The following PSD3 variants were observed in gnomAD, a reference collection of about 807,000 sequenced individuals.
PSD3 encodes PH and SEC7 domain-containing protein 3.
A neutral mutation model predicts 105.5 loss-of-function variants in PSD3; 49 were observed. The ratio of observed to expected loss-of-function variants is 0.46; its 90% CI spans 0.37 to 0.59. The LOEUF (loss-of-function observed/expected upper bound fraction) is 0.59. PSD3 is among the 20% of genes least tolerant of loss of function. The probability of loss-of-function intolerance (pLI) is 0.00; values close to 1 mark genes in which losing one functional copy is unlikely to be tolerated. For missense variants in PSD3, 1,561 were observed against 1,263.8 expected, an observed-to-expected ratio of 1.24 and a Z score of -3.57; for synonymous variants, 557 against 457.8, an observed-to-expected ratio of 1.22 and a Z score of -2.77.
At chr8:18,574,877 T>C (rs1400903709) in intron 13 of PSD3, among the ~76,000 whole-genome samples, 1 of 152,192 alleles carries the variant, frequency 6.6e-6, no homozygotes, top group Non-Finnish European at 1.5e-5. Context: ...ATGAGGATAC[T>C]GAATTCTAGA....
chr8:18,780,005 G>C (rs972140774), intron 8 of PSD3, among the ~76,000 whole-genome samples: 1 of 152,172 alleles, frequency 6.6e-6, no homozygotes, highest in Admixed American at 6.5e-5. Flanking sequence ...ATCAGTCCAA[G>C]GCTGAGAGTC....
At position 18,812,361 on chromosome 8, in the gene PSD3, G is replaced by A. The variant is rs971403560; in HGVS notation, c.1635-7463C>T. 2.0e-5 allele frequency among the ~76,000 whole-genome samples: 3 copies of A among 152,142 alleles called. No homozygotes were observed. The East Asian group carries it at 5.8e-4, about 29-fold the overall frequency. The stretch of plus-strand genomic sequence containing the variant: ...GGCCTTGGGGGCCACTATGGAGACT[G>A]GTTTTTACTCCTAGTGAAATGGTTA... On this transcript the variant is annotated intron_variant, in intron 4 of 15. Transcript: ENST00000327040.
intron 9 of PSD3, chr8:18,732,946 C>A (rs1261229927): frequency 6.6e-6 from 1 of 152,194 alleles, no homozygotes; most frequent in Non-Finnish European, 1.5e-5. Context: ...CACACGCCCC[C>A]TCCCTATCAC....
chr8:18,851,207 T>C (rs1428572357), intron 4 of PSD3, among the ~76,000 whole-genome samples: 4 of 152,074 alleles, frequency 2.6e-5, no homozygotes, highest in Non-Finnish European at 5.9e-5. Flanking sequence ...CTCACAATAG[T>C]CCCATCTTGC....
At position 18,792,285 on chromosome 8, in the gene PSD3, A is replaced by G. The variant is rs114398584; in HGVS notation, c.2082+7010T>C. Among the ~76,000 whole-genome samples the G allele has an allele frequency of 4.6e-3, 708 of 152,280 alleles. 7 individuals carry two copies. The highest frequency in any genetic ancestry group is 0.016 in the African/African-American group (663 of 41,548). On this transcript the variant is annotated intron_variant, in intron 8 of 15. Coordinates refer to ENST00000327040, the MANE Select transcript of PSD3 (RefSeq NM_015310.4). Reference sequence around the variant, plus strand: ...GCATGCATATGTTAATTGCAGCACTATTTACAGTAGGAAAGACATGGAATC... The same window carrying G: ...GCATGCATATGTTAATTGCAGCACTGTTTACAGTAGGAAAGACATGGAATC...
intron 9 of PSD3, among the ~76,000 whole-genome samples, chr8:18,752,459 T>C (rs113911214): frequency 1.1e-3 from 129 of 115,022 alleles, no homozygotes; most frequent in African/African-American, 4.2e-3. Flanking sequence ...TCAAAATCCC[T>C]AACTTTTCAA....
chr8:18,953,907 G>C (rs554431274), intron 1 of PSD3, among the ~76,000 whole-genome samples: 1 of 152,084 alleles, frequency 6.6e-6, no homozygotes, highest in African/African-American at 2.4e-5. Flanking sequence ...TGACACTTAA[G>C]ACACACATAT....
At chr8:18,815,229 A>G (rs927592396) in intron 4 of PSD3, among the ~76,000 whole-genome samples, 1 of 152,158 alleles carries the variant, frequency 6.6e-6, no homozygotes, top group Non-Finnish European at 1.5e-5. Context: ...GGCTGAACAA[A>G]TATTTTCTAT....
intron 9 of PSD3, among the ~76,000 whole-genome samples, chr8:18,667,022 C>T (rs941255087): frequency 2.6e-5 from 4 of 152,054 alleles, no homozygotes; most frequent in African/African-American, 9.7e-5. Flanking sequence ...TTTTTTCCTT[C>T]TTGTGGGTTC....
chr8:18,837,990 A>G (rs1253449909), intron 4 of PSD3, among the ~76,000 whole-genome samples: 2 of 152,170 alleles, frequency 1.3e-5, no homozygotes, highest in East Asian at 3.9e-4. Flanking sequence ...ATGATAGAGG[A>G]CTGTTGTAAA....
chr8:19,005,705 TCTCAAACTCCTGAG>T (rs746695407), intron 1 of PSD3, among the ~76,000 whole-genome samples: 4 of 151,856 alleles, frequency 2.6e-5, no homozygotes, highest in Non-Finnish European at 5.9e-5. Context: ...CCCAGACTGG[TCTCAAACTCCTGAG>T]CTCAAGAGAT....
At chr8:18,679,684 T>C (rs1039815606) in intron 9 of PSD3, among the ~76,000 whole-genome samples, 5 of 152,156 alleles carry the variant, frequency 3.3e-5, no homozygotes, top group Admixed American at 6.6e-5. Context: ...TAGGTGAACA[T>C]TGCTACTTAG....
At chr8:18,959,408 G>A (rs976686321) in intron 1 of PSD3, among the ~76,000 whole-genome samples, 2 of 151,998 alleles carry the variant, frequency 1.3e-5, no homozygotes, top group Non-Finnish European at 2.9e-5. Context: ...AAAATAACCC[G>A]CTGTACACTT....
chr8:18,675,263 T>C (rs111553635), intron 9 of PSD3, among the ~76,000 whole-genome samples: 4,062 of 152,214 alleles, frequency 0.027, 174 homozygotes, highest in East Asian at 0.15. Flanking sequence ...CTAGAGAAGG[T>C]CTTACTGCTT....
At chr8:18,845,461 G>T (rs1256323428) in intron 4 of PSD3, among the ~76,000 whole-genome samples, 1 of 152,174 alleles carries the variant, frequency 6.6e-6, no homozygotes, top group Non-Finnish European at 1.5e-5. Context: ...ACTTCCAGGT[G>T]CATAGCACGG....
intron 9 of PSD3, among the ~76,000 whole-genome samples, chr8:18,668,475 C>T (rs1799607257): frequency 6.6e-6 from 1 of 152,224 alleles, no homozygotes. Context: ...TTCACTTGAT[C>T]TCACTGAACT....
chr8:18,732,595 G>C (rs1054040858), intron 9 of PSD3, among the ~76,000 whole-genome samples: 6 of 152,186 alleles, frequency 3.9e-5, no homozygotes, highest in Non-Finnish European at 7.3e-5. Context: ...CCTACACATG[G>C]CTTCTCCCTC....
intron 12 of PSD3, among the ~76,000 whole-genome samples, chr8:18,583,490 G>A (rs1486388197): frequency 1.3e-5 from 2 of 152,110 alleles, no homozygotes; most frequent in African/African-American, 2.4e-5. Context: ...AGCTCCAACT[G>A]CTCTAAGATA....
intron 12 of PSD3, among the ~76,000 whole-genome samples, chr8:18,593,494 G>A (rs926054914): frequency 1.3e-5 from 2 of 152,116 alleles, no homozygotes; most frequent in Admixed American, 6.5e-5. Flanking sequence ...GAGAGGATGT[G>A]GAGAAATAGG....
Sources: gnomAD v4.1 joint callset for allele counts (sites outside exome capture counted in the v4.1 genomes callset) on GRCh38, gnomAD v4.1.1 for gene constraint, MANE v1.5 for transcripts, NCBI Gene and HGNC (gene_info 2026-07-23, HGNC 2026-07-21) for gene names.